Variants in KCNT2 observed in about 807,000 individuals in gnomAD.
KCNT2 encodes potassium channel subfamily T member 2.
A neutral mutation model predicts 153.8 loss-of-function variants in KCNT2; 67 were observed. That is an observed-to-expected ratio of 0.44 (90% confidence interval 0.36 to 0.53). The LOEUF (loss-of-function observed/expected upper bound fraction) is 0.53, where lower values mean the gene tolerates loss of function less well. KCNT2 is among the 20% of genes least tolerant of loss of function. The pLI is 0.00. For missense variants in KCNT2, 975 were observed against 1,354.8 expected (o/e 0.72, Z 4.40); for synonymous variants, 500 against 458.8 (o/e 1.09, Z -1.15).
intron 1 of KCNT2, among the ~76,000 whole-genome samples, chr1:196,598,451 C>G (rs2149024150): frequency 6.6e-6 from 1 of 152,266 alleles, no homozygotes; most frequent in East Asian, 1.9e-4. Flanking sequence ...GAACCATGCT[C>G]TACATCTAGA....
chr1:196,605,035 A>G (rs1012095018), intron 1 of KCNT2, among the ~76,000 whole-genome samples: 4 of 152,198 alleles, frequency 2.6e-5, no homozygotes, highest in Non-Finnish European at 4.4e-5. Flanking sequence ...CCATTTGAGC[A>G]TCTATCATAT....
chr1:196,258,677 T>C (rs1475026287), intron 25 of KCNT2, 183 bp from the exon 26 acceptor site: 1 of 661,698 alleles, frequency 1.5e-6, no homozygotes, highest in Non-Finnish European at 2.7e-6. Flanking sequence ...GTATGTTTCC[T>C]TGAACGTACA....
At chr1:196,352,583 G>T (rs1341168430) in intron 14 of KCNT2, among the ~76,000 whole-genome samples, 1 of 151,962 alleles carries the variant, frequency 6.6e-6, no homozygotes, top group Non-Finnish European at 1.5e-5. Context: ...GCATCTATTT[G>T]ATTCTTCTCT....
chr1:196,591,255 G>A (rs1663325232), intron 1 of KCNT2, among the ~76,000 whole-genome samples: 1 of 151,978 alleles, frequency 6.6e-6, no homozygotes, highest in South Asian at 2.1e-4. Context: ...CTCTTGCCAT[G>A]AGACATTCGA....
chr1:196,235,000 C>T (rs944584655), intron 27 of KCNT2, among the ~76,000 whole-genome samples: 5 of 151,422 alleles, frequency 3.3e-5, no homozygotes, highest in African/African-American at 9.7e-5. Flanking sequence ...CAACAACTGT[C>T]AAAGTGCCTT....
At chr1:196,559,320 T>G (rs1434221157) in intron 1 of KCNT2, among the ~76,000 whole-genome samples, 1 of 151,592 alleles carries the variant, frequency 6.6e-6, no homozygotes, top group African/African-American at 2.4e-5. Context: ...ATGGGATACG[T>G]GGTATTTTAT....
chr1:196,297,589 A>G (rs1660792770), intron 22 of KCNT2, among the ~76,000 whole-genome samples: 1 of 152,214 alleles, frequency 6.6e-6, no homozygotes, highest in Non-Finnish European at 1.5e-5. Context: ...CTTTTCTAGA[A>G]TAGATTGAAC....
In KCNT2 at chr1:196,275,761, C is replaced by T. The variant is rs996009857; in HGVS notation, c.2910+5099G>A. 7.2e-5 allele frequency among the ~76,000 whole-genome samples: 11 copies of T among 151,854 alleles called. No individual in the cohort carries two copies. The East Asian group carries it at 2.1e-3, about 29-fold the overall frequency. On this transcript the variant is annotated intron_variant, in intron 25 of 27. Coordinates refer to ENST00000294725, the MANE Select transcript of KCNT2 (RefSeq NM_198503.5). ...CCTAAAGTCTTTATATTAGTTTATCCTTATGTAAAAAGCTGATATTTAATA... is the reference window on the plus strand; with the variant it reads ...CCTAAAGTCTTTATATTAGTTTATCTTTATGTAAAAAGCTGATATTTAATA...
intron 1 of KCNT2, among the ~76,000 whole-genome samples, chr1:196,556,380 A>G (rs1415019282): frequency 8.6e-5 from 13 of 151,488 alleles, no homozygotes; most frequent in Non-Finnish European, 1.8e-4. Context: ...ACGAATGGCA[A>G]ACAGGTATAT....
intron 1 of KCNT2, among the ~76,000 whole-genome samples, chr1:196,498,716 T>A (rs1479120426): frequency 6.6e-6 from 1 of 152,222 alleles, no homozygotes; most frequent in Non-Finnish European, 1.5e-5. Flanking sequence ...GGCATCCTGC[T>A]AATTCCGTGT....
chr1:196,333,391 A>C (rs1558157222), intron 17 of KCNT2, among the ~76,000 whole-genome samples: 1 of 152,170 alleles, frequency 6.6e-6, no homozygotes, highest in Non-Finnish European at 1.5e-5. Context: ...ATAGTGTATG[A>C]AAGTGCTGAA....
intron 14 of KCNT2, among the ~76,000 whole-genome samples, chr1:196,346,986 T>C (rs934658786): frequency 1.3e-5 from 2 of 152,140 alleles, no homozygotes; most frequent in African/African-American, 4.8e-5. Flanking sequence ...TTTACCCCCA[T>C]TTCACAGATA....
At chr1:196,326,452 G>A (rs1663866439) in intron 19 of KCNT2, among the ~76,000 whole-genome samples, 1 of 152,060 alleles carries the variant, frequency 6.6e-6, no homozygotes, top group Non-Finnish European at 1.5e-5. Context: ...CCTATTTCCT[G>A]TGGTATTATG....
rs1483810462 is a variant in KCNT2 at position 196,259,902 on chromosome 1, T to C, written c.2911-1408A>G. 3.3e-5 allele frequency among the ~76,000 whole-genome samples: 5 copies of C among 151,936 alleles called. No homozygotes were observed. In the East Asian group the frequency reaches 7.7e-4, roughly 23 times the overall value. On this transcript the variant is annotated intron_variant, in intron 25 of 27. Transcript: ENST00000294725. ...TTTTAATACCATGGTTTAACAATAA[T>C]GAACATTTTTATAAAATTTTAACTC...
chr1:196,274,818 T>C (rs1027876254), intron 25 of KCNT2, among the ~76,000 whole-genome samples: 1 of 151,838 alleles, frequency 6.6e-6, no homozygotes, highest in Non-Finnish European at 1.5e-5. Flanking sequence ...CTGGTTATAG[T>C]ATACTTCAAA....
rs199610852 is a variant in KCNT2 at position 196,340,578 on chromosome 1, TA to T, written c.1554-9del. On this transcript the variant is annotated splice_polypyrimidine_tract_variant and intron_variant, in intron 15 of 27. Transcript: ENST00000294725. The stretch of plus-strand genomic sequence containing the variant: ...ATCAAGCAGACGCCAAACCTTAATT[TA>T]AAAAAAAAGAGAGTTTGTAAGAAAA... 740 of 1,467,210 alleles carry T rather than the reference TA, an allele frequency of 5.0e-4. No individual in the cohort carries two copies. Among genetic ancestry groups the T allele is most frequent in the South Asian group, 8.2e-4 (61 of 74,550 alleles). 90.9% of individuals were successfully genotyped at this position (1,467,210 alleles called of 1,614,324 possible). A position where few individuals can be genotyped will look rare whatever the true frequency, so the allele number is the denominator to read the frequency against.
chr1:196,542,560 T>C (rs1342700228), intron 1 of KCNT2, among the ~76,000 whole-genome samples: 8 of 152,048 alleles, frequency 5.3e-5, no homozygotes, highest in Admixed American at 5.2e-4. Context: ...CCCTTCTGAG[T>C]TCATTCACCT....
intron 1 of KCNT2, among the ~76,000 whole-genome samples, chr1:196,557,373 A>G (rs1303253373): frequency 6.6e-6 from 1 of 151,304 alleles, no homozygotes; most frequent in Admixed American, 6.6e-5. Flanking sequence ...TTCTCATAGT[A>G]TTTGGATTTT....
chr1:196,590,203 T>C (rs925191393), intron 1 of KCNT2, among the ~76,000 whole-genome samples: 12 of 152,182 alleles, frequency 7.9e-5, no homozygotes, highest in Non-Finnish European at 1.2e-4. Context: ...AGTATACTGC[T>C]ACTTGCCAAT....
Sources: allele counts gnomAD v4.1 joint callset (sites outside exome capture counted in the v4.1 genomes callset), GRCh38; gene constraint gnomAD v4.1.1; transcripts MANE v1.5; gene names NCBI Gene and HGNC (gene_info 2026-07-23, HGNC 2026-07-21).